Variants in CDIN1 observed in about 807,000 individuals in gnomAD.
The protein encoded by CDIN1 is CDAN1-interacting nuclease 1.
CDIN1 carries 33 observed loss-of-function variants against 45.3 expected under a neutral mutation model. The observed-to-expected ratio is 0.73, with a 90% CI of 0.55 to 0.97. CDIN1 has a LOEUF of 0.97. Ranked by LOEUF, CDIN1 falls within the 50% of genes least tolerant of loss-of-function variation. The probability of loss-of-function intolerance (pLI) is 0.00; values close to 1 mark genes in which losing one functional copy is unlikely to be tolerated. For synonymous variants in CDIN1, 118 were observed against 124.4 expected, an observed-to-expected ratio of 0.95 and a Z score of 0.34; for missense variants, 303 against 339.4, an observed-to-expected ratio of 0.89 and a Z score of 0.84.
intron 1 of CDIN1, among the ~76,000 whole-genome samples, chr15:36,612,350 TC>T (rs1283416201): frequency 6.6e-6 from 1 of 152,172 alleles, no homozygotes; most frequent in Non-Finnish European, 1.5e-5. Flanking sequence ...CCCAAGGACT[TC>T]CTGGAGCAAA....
Position 36,579,759 on chromosome 15 carries a change from G to A in CDIN1, c.-102G>A. 1 of 914,242 alleles carries A rather than the reference G, an allele frequency of 1.1e-6. No homozygotes were observed. The highest frequency in any genetic ancestry group is 1.7e-6 in the Non-Finnish European group (1 of 597,822). 56.6% of individuals were successfully genotyped at this position (914,242 alleles called of 1,614,324 possible). ...GCAAGCCAAGCAGGCGAGGACCCGG[G>A]CCTGTGCCGCTTTGCCTACCCCTCA... On this transcript the variant is annotated 5_prime_UTR_variant, in exon 1 of 11. Coordinates refer to ENST00000566621, the MANE Select transcript of CDIN1 (RefSeq NM_001321759.2).
chr15:36,691,621 C>G, intron 5 of CDIN1, 64 bp from the exon 6 acceptor site: 1 of 1,020,072 alleles, frequency 9.8e-7, no homozygotes, highest in South Asian at 1.4e-5. Flanking sequence ...ATATATGTCA[C>G]TCCTCATGTT....
intron 8 of CDIN1, among the ~76,000 whole-genome samples, chr15:36,701,097 GGT>G (rs1491310548): frequency 5.5e-5 from 8 of 145,482 alleles, no homozygotes; most frequent in African/African-American, 2.0e-4. Flanking sequence ...TAGGTAGGTA[GGT>G]AGATAGATAG....
At chr15:36,669,757 G>C (rs2041378590) in intron 5 of CDIN1, among the ~76,000 whole-genome samples, 2 of 152,034 alleles carry the variant, frequency 1.3e-5, no homozygotes, top group South Asian at 4.1e-4. Context: ...TCTGCATAAT[G>C]CCTTCAATTT....
At chr15:36,797,885 C>T (rs949496346) in intron 10 of CDIN1, among the ~76,000 whole-genome samples, 1 of 151,194 alleles carries the variant, frequency 6.6e-6, no homozygotes, top group East Asian at 1.9e-4. Context: ...GAGACTGAGG[C>T]AGGAGAATCA....
At chr15:36,688,125 G>C (rs942443374) in intron 5 of CDIN1, among the ~76,000 whole-genome samples, 17 of 151,840 alleles carry the variant, frequency 1.1e-4, no homozygotes, top group Non-Finnish European at 2.4e-4. Context: ...GTGGGAACGA[G>C]GAAATAATGA....
At position 36,674,825 on chromosome 15, in the gene CDIN1, C is replaced by T. The variant is rs546125282; in HGVS notation, c.347-16860C>T. Among the ~76,000 whole-genome samples, 9 of 152,146 alleles carry T rather than the reference C, an allele frequency of 5.9e-5. No individual in the cohort carries two copies. In the South Asian group the frequency reaches 1.0e-3, roughly 18 times the overall value. On this transcript the variant is annotated intron_variant, in intron 5 of 10. Transcript: ENST00000566621. ...TTATCCATTATCGTTTGTCATGAGG[C>T]GTCCTAACTCAAGGGGAAAATATAA... is the stretch of plus-strand genomic sequence containing the variant.
At chr15:36,639,485 A>G (rs2040023329) in intron 1 of CDIN1, among the ~76,000 whole-genome samples, 1 of 152,072 alleles carries the variant, frequency 6.6e-6, no homozygotes, top group Non-Finnish European at 1.5e-5. Context: ...GCTATTCTGG[A>G]GGCTGAGACA....
rs1001589701 is a variant in CDIN1, at chr15:36,579,654, G to A, written c.-207G>A. ...CTGGTGTACAGCCAGTCCCCGCCGCGGAGGTGCCGGTGGAGCCTGGGACCG... is the reference window on the plus strand; with the variant it reads ...CTGGTGTACAGCCAGTCCCCGCCGCAGAGGTGCCGGTGGAGCCTGGGACCG... On this transcript the variant is annotated 5_prime_UTR_variant, in exon 1 of 11. Coordinates refer to ENST00000566621, the MANE Select transcript of CDIN1 (RefSeq NM_001321759.2). 5 of 528,824 alleles carry A rather than the reference G, an allele frequency of 9.5e-6. No homozygotes were observed. Among genetic ancestry groups the A allele is most frequent in the Non-Finnish European group, 1.3e-5 (4 of 296,964 alleles). The allele number at this position is 528,824 out of a possible 1,614,324, so 32.8% of individuals were successfully genotyped here.
chr15:36,652,960 T>G (rs1358340291), intron 3 of CDIN1, among the ~76,000 whole-genome samples: 1 of 152,152 alleles, frequency 6.6e-6, no homozygotes, highest in Admixed American at 6.5e-5. Context: ...TTGTCCAATA[T>G]GGTTTTTAAA....
At chr15:36,614,800 A>T (rs1358337787) in intron 1 of CDIN1, among the ~76,000 whole-genome samples, 1 of 152,234 alleles carries the variant, frequency 6.6e-6, no homozygotes, top group African/African-American at 2.4e-5. Context: ...TCAAGTTTTC[A>T]GCTTTAATAT....
At position 36,644,323 on chromosome 15, in the gene CDIN1, G is replaced by T; in HGVS notation, c.147G>T (p.Gln49His). ...TGAGCATCTTCTCCCAGGAGTACCA[G>T]GTTAGAAGTTTTCTCCTTTGTGAGG... ...TLLSIFSQEY[Q>H]KHIKRTHAKH... Residue 49 changes from glutamine to histidine, a missense_variant and splice_region_variant, in exon 2 of 11, where the codon CAG becomes CAT. Gln to His is a conservative substitution (Grantham distance 24). Transcript: ENST00000566621. 6.2e-7 allele frequency: 1 copy of T among 1,613,242 alleles called. No individual in the cohort carries two copies. The highest frequency in any genetic ancestry group is 8.5e-7 in the Non-Finnish European group (1 of 1,179,530).
intron 10 of CDIN1, among the ~76,000 whole-genome samples, chr15:36,807,427 C>T (rs748825374): frequency 3.9e-5 from 6 of 152,120 alleles, no homozygotes; most frequent in Admixed American, 6.6e-5. Context: ...TAAGTGCCCT[C>T]GGTAGGAAAA....
chr15:36,770,110 TTC>T (rs150116594), intron 10 of CDIN1, among the ~76,000 whole-genome samples: 23 of 149,542 alleles, frequency 1.5e-4, no homozygotes, highest in African/African-American at 2.5e-4. Flanking sequence ...CTTTCTCCCT[TTC>T]TCTCTCTCTC....
intron 10 of CDIN1, among the ~76,000 whole-genome samples, chr15:36,784,906 AT>A (rs1454981271): frequency 6.6e-6 from 1 of 152,098 alleles, no homozygotes; most frequent in African/African-American, 2.4e-5. Context: ...TCCCCTGTTG[AT>A]TTTGTGGTAT....
At chr15:36,674,251 G>A (rs1432640566) in intron 5 of CDIN1, among the ~76,000 whole-genome samples, 1 of 152,074 alleles carries the variant, frequency 6.6e-6, no homozygotes, top group African/African-American at 2.4e-5. Flanking sequence ...TGAGCATTAG[G>A]GTAACTCATT....
rs373771898 is a variant in CDIN1 at position 36,623,488 on chromosome 15, A to C, written c.102-20790A>C. Among the ~76,000 whole-genome samples the C allele has an allele frequency of 4.9e-4, 74 of 152,284 alleles. No individual in the cohort carries two copies. The South Asian group carries it at 0.014, about 29-fold the overall frequency. ...TCTGCCAAGTTGAACTTCAGTAGTG[A>C]ATGGTGGATTTTAGGGTGAAAATGG... is the stretch of plus-strand genomic sequence containing the variant. On this transcript the variant is annotated intron_variant, in intron 1 of 10. Coordinates refer to ENST00000566621, the MANE Select transcript of CDIN1 (RefSeq NM_001321759.2).
intron 10 of CDIN1, among the ~76,000 whole-genome samples, chr15:36,790,889 T>A (rs1444229401): frequency 6.6e-6 from 1 of 152,208 alleles, no homozygotes; most frequent in Non-Finnish European, 1.5e-5. Flanking sequence ...ATGTGCAGGC[T>A]TGTTATATAG....
At chr15:36,780,965 A>C (rs2054336098) in intron 10 of CDIN1, among the ~76,000 whole-genome samples, 1 of 152,242 alleles carries the variant, frequency 6.6e-6, no homozygotes, top group Admixed American at 6.5e-5. Flanking sequence ...CCACATATGC[A>C]ACATTTTGCA....
Sources: allele counts gnomAD v4.1 joint callset (sites outside exome capture counted in the v4.1 genomes callset), GRCh38; gene constraint gnomAD v4.1.1; transcripts MANE v1.5; gene names NCBI Gene and HGNC (gene_info 2026-07-23, HGNC 2026-07-21).